The following AKAP7 variants were observed in gnomAD, a reference collection of about 807,000 sequenced individuals.
AKAP7 encodes the protein A-kinase anchoring protein 7, also known as A kinase (PRKA) anchor protein 7.
In AKAP7, 39 loss-of-function variants were observed where a neutral mutation model predicts 39.5. That is an observed-to-expected ratio of 0.99 (90% CI 0.76 to 1.29). The LOEUF (loss-of-function observed/expected upper bound fraction) is 1.29, where lower values mean the gene tolerates loss of function less well. Ranked by LOEUF, AKAP7 falls within the 50% of genes most tolerant of loss-of-function variation. The probability of loss-of-function intolerance (pLI) is 0.00; values close to 1 mark genes in which losing one functional copy is unlikely to be tolerated. For synonymous variants in AKAP7, 140 were observed against 139.1 expected (o/e 1.01, Z -0.05); for missense variants, 414 against 407.7 (o/e 1.02, Z -0.13).
chr6:131,265,912 A>G (rs1388678977), intron 7 of AKAP7, among the ~76,000 whole-genome samples: 1 of 152,186 alleles, frequency 6.6e-6, no homozygotes, highest in African/African-American at 2.4e-5. Context: ...GTTTGTTATT[A>G]CTAAAAGGAT....
chr6:131,203,615 A>G (rs1440732981), intron 6 of AKAP7, among the ~76,000 whole-genome samples: 2 of 152,188 alleles, frequency 1.3e-5, no homozygotes, highest in African/African-American at 2.4e-5. Context: ...TTACTCCCTC[A>G]TTACCATCCT....
Position 131,281,583 on chromosome 6 carries a change from A to G in AKAP7, c.904A>G (p.Arg302Gly). The G allele has an allele frequency of 6.2e-7, 1 of 1,613,398 alleles. No homozygotes were observed. Among genetic ancestry groups the G allele is most frequent in the South Asian group, 1.1e-5 (1 of 90,950 alleles). ...DDAELVRLSK[R>G]LVENAVLKAV... is the part of the protein sequence containing the mutation. ...CGCTGAACTAGTAAGGCTCAGTAAG[A>G]GGCTGGTGGAGAACGCGGTGCTCAA... The change falls in exon 8 of 8, where the codon AGG becomes GGG. Residue 302 changes from arginine to glycine, a missense_variant. Physicochemically the swap from Arg to Gly is moderately radical, Grantham distance 125 (BLOSUM62 -2). Coordinates refer to ENST00000431975, the MANE Select transcript of AKAP7 (RefSeq NM_016377.4). This position sits in a 1 kb window ranked among gnomAD's most constrained non-coding sequence, Gnocchi z 4.0.
At position 131,278,373 on chromosome 6, in the gene AKAP7, ATTG is replaced by A. The variant is rs1814919322; in HGVS notation, c.851-3153_851-3151del. 2.0e-5 allele frequency among the ~76,000 whole-genome samples: 3 copies of A among 152,318 alleles called. No individual in the cohort carries two copies. In the East Asian group the frequency reaches 5.8e-4, roughly 29 times the overall value. ...TATCCTTATAGATCCTCAGTACACA[ATTG>A]TTGAATGAATGACCAAATGGCCATG... On this transcript the variant is annotated intron_variant, in intron 7 of 7. Transcript: ENST00000431975.
chr6:131,172,283 G>A lies in AKAP7; in HGVS notation c.589+3010G>A, dbSNP rs78498336. The stretch of plus-strand genomic sequence containing the variant: ...TAGGAATAAATCAACTAAAGGATAT[G>A]CAAGACTTCTATGGAGGAAATATTT... On this transcript the variant is annotated intron_variant, in intron 5 of 7. Transcript: ENST00000431975. 5.4e-3 allele frequency among the ~76,000 whole-genome samples: 820 copies of A among 152,252 alleles called. 8 individuals are homozygous for A. The highest frequency in any genetic ancestry group is 0.019 in the African/African-American group (778 of 41,530).
At chr6:131,185,246 CT>C in intron 5 of AKAP7, 12 of 467,042 alleles carry the variant, frequency 2.6e-5, no homozygotes, top group Non-Finnish European at 2.8e-5. Flanking sequence ...GGGCTCACCG[CT>C]TTTTCCGCCA....
intron 7 of AKAP7, among the ~76,000 whole-genome samples, chr6:131,259,509 T>C (rs1294694816): frequency 6.6e-6 from 1 of 152,170 alleles, no homozygotes; most frequent in African/African-American, 2.4e-5. Context: ...TTTGTATGGC[T>C]CTAGGGGAAC....
At chr6:131,180,918 T>C (rs549362154) in intron 5 of AKAP7, among the ~76,000 whole-genome samples, 43 of 152,148 alleles carry the variant, frequency 2.8e-4, no homozygotes, top group South Asian at 1.0e-3. Flanking sequence ...AGCATTTATA[T>C]TTTTAGATTT....
intron 7 of AKAP7, among the ~76,000 whole-genome samples, chr6:131,230,494 C>T (rs1201423463): frequency 6.6e-6 from 1 of 151,912 alleles, no homozygotes; most frequent in East Asian, 1.9e-4. Flanking sequence ...GAAATTAGAC[C>T]TTTGTTGGAT....
intron 7 of AKAP7, among the ~76,000 whole-genome samples, chr6:131,260,830 G>A (rs1813253305): frequency 6.6e-6 from 1 of 151,864 alleles, no homozygotes; most frequent in Non-Finnish European, 1.5e-5. Flanking sequence ...GTTAATTTTT[G>A]CTTAGAACAC....
intron 7 of AKAP7, among the ~76,000 whole-genome samples, chr6:131,262,831 T>G (rs2128327830): frequency 6.6e-6 from 1 of 152,344 alleles, no homozygotes; most frequent in African/African-American, 2.4e-5. Context: ...GCTAAGCCAA[T>G]TCTCTCAATC....
intron 7 of AKAP7, among the ~76,000 whole-genome samples, chr6:131,260,414 C>G (rs560157531): frequency 9.9e-5 from 15 of 152,248 alleles, no homozygotes; most frequent in Admixed American, 7.2e-4. Context: ...AATTTACATT[C>G]CCACCAACAG....
At chr6:131,134,632 C>T (rs1012034735), upstream of AKAP7, among the ~76,000 whole-genome samples, 12 of 152,164 alleles carry the variant, frequency 7.9e-5, no homozygotes, top group African/African-American at 2.9e-4. Flanking sequence ...CCTACCAGCC[C>T]ATAAATGGGC....
intron 7 of AKAP7, among the ~76,000 whole-genome samples, chr6:131,247,151 T>C (rs1812061435): frequency 6.6e-6 from 1 of 151,456 alleles, no homozygotes; most frequent in Non-Finnish European, 1.5e-5. Context: ...AATTTCTCCA[T>C]TGTTTTCTAT....
At chr6:131,267,823 G>A (rs750655760) in intron 7 of AKAP7, among the ~76,000 whole-genome samples, 2 of 152,106 alleles carry the variant, frequency 1.3e-5, no homozygotes, top group South Asian at 2.1e-4. Context: ...CTTGTATATC[G>A]TACATCTTTC....
chr6:131,250,767 G>T (rs1339586000), intron 7 of AKAP7: 4 of 717,100 alleles, frequency 5.6e-6, no homozygotes, highest in Non-Finnish European at 9.0e-6. Flanking sequence ...GGACTGGTAG[G>T]TGTGTAGTTA....
chr6:131,152,549 C>G (rs1033476639), intron 2 of AKAP7, among the ~76,000 whole-genome samples: 5 of 152,088 alleles, frequency 3.3e-5, no homozygotes, highest in Admixed American at 3.3e-4. Flanking sequence ...ATATTGGGGC[C>G]GGGCGTGGTG....
intron 7 of AKAP7, among the ~76,000 whole-genome samples, chr6:131,246,842 C>T: frequency 6.6e-6 from 1 of 151,736 alleles, no homozygotes; most frequent in Non-Finnish European, 1.5e-5. Context: ...TTGTGGTATG[C>T]TGTTTCATAT....
At chr6:131,269,612 A>T (rs958317523) in intron 7 of AKAP7, among the ~76,000 whole-genome samples, 1 of 152,232 alleles carries the variant, frequency 6.6e-6, no homozygotes, top group South Asian at 2.1e-4. Context: ...CCATGAGCAC[A>T]GTGCCCCTCT....
intron 5 of AKAP7, chr6:131,184,466 C>G (rs1805616876): frequency 1.5e-6 from 1 of 664,826 alleles, no homozygotes; most frequent in Non-Finnish European, 2.8e-6. Flanking sequence ...CGCAGCATCA[C>G]AAAAGCCCAG....
Sources: allele counts gnomAD v4.1 joint callset (sites outside exome capture counted in the v4.1 genomes callset), GRCh38; gene constraint gnomAD v4.1.1; non-coding constraint Gnocchi (gnomAD v3.1); transcripts MANE v1.5; gene names NCBI Gene and HGNC (gene_info 2026-07-23, HGNC 2026-07-21).